The following ARHGEF3 variants were observed in gnomAD, a reference collection of about 807,000 sequenced individuals.
ARHGEF3 encodes Rho guanine nucleotide exchange factor 3.
A neutral mutation model predicts 63.2 loss-of-function variants in ARHGEF3; 28 were observed. The ratio of observed to expected loss-of-function variants is 0.44; its 90% CI spans 0.33 to 0.61. The LOEUF is 0.61. ARHGEF3 is among the 20% of genes least tolerant of loss of function. The pLI, the probability that ARHGEF3 is intolerant of heterozygous loss-of-function variation, is 0.03. For synonymous variants in ARHGEF3, 266 were observed against 254.2 expected (o/e 1.05, Z -0.44); for missense variants, 533 against 659.3 (o/e 0.81, Z 2.10).
intron 2 of ARHGEF3, among the ~76,000 whole-genome samples, chr3:56,961,193 T>C (rs576758334): frequency 1.3e-5 from 2 of 152,336 alleles, no homozygotes; most frequent in South Asian, 4.1e-4. Context: ...CAGTGTTATA[T>C]AACATTTTAT....
Position 57,052,028 on chromosome 3 carries a change from C to T in ARHGEF3, c.-27-16852G>A, listed in dbSNP as rs566809729. Among the ~76,000 whole-genome samples, 33 of 152,190 alleles carry T rather than the reference C, an allele frequency of 2.2e-4. 1 individual carries two copies. Among genetic ancestry groups the T allele is most frequent in the Middle Eastern group, 6.8e-3 (2 of 294 alleles). On this transcript the variant is annotated intron_variant, in intron 1 of 12. Transcript: ENST00000338458. ...CCATCTACTGAGTATCAACTGTATG[C>T]TAGGCACTCTTCTAAGTGCTTTATG...
intron 4 of ARHGEF3, among the ~76,000 whole-genome samples, chr3:56,835,700 G>A (rs1169350284): frequency 6.6e-6 from 1 of 152,046 alleles, no homozygotes; most frequent in African/African-American, 2.4e-5. Flanking sequence ...TTAGCAGAAA[G>A]ACTTAAAATG....
At chr3:56,739,031 G>A (rs568751842) in intron 7 of ARHGEF3, among the ~76,000 whole-genome samples, 24 of 152,082 alleles carry the variant, frequency 1.6e-4, no homozygotes, top group Admixed American at 3.9e-4. Flanking sequence ...GGAGGCAGAG[G>A]TTGCAGTGAG....
intron 3 of ARHGEF3, among the ~76,000 whole-genome samples, chr3:56,943,905 C>T (rs1376048393): frequency 4.9e-5 from 7 of 144,074 alleles, no homozygotes; most frequent in Non-Finnish European, 9.2e-5. Flanking sequence ...CAGAGAGAGA[C>T]TCCGACTCAA....
rs1484341209 is a variant in ARHGEF3 at position 56,727,673 on chromosome 3, G to C, written c.*1597C>G. On this transcript the variant is annotated 3_prime_UTR_variant, in exon 10 of 10. Transcript: ENST00000296315. ...GCTTCTGTCTGCAGCAGGTTCACTT[G>C]CTGTATCAATAACGACTTGAGAAAG... 1.3e-5 allele frequency: 2 copies of C among 152,520 alleles called. No individual in the cohort carries two copies. The highest frequency in any genetic ancestry group is 2.4e-5 in the African/African-American group (1 of 41,424). The allele number at this position is 152,520 out of a possible 1,614,324, so 9.4% of individuals were successfully genotyped here.
intron 1 of ARHGEF3, among the ~76,000 whole-genome samples, chr3:56,795,556 G>A (rs1403301988): frequency 2.6e-5 from 4 of 151,934 alleles, no homozygotes; most frequent in Admixed American, 1.3e-4. Context: ...CAGAAAGTCC[G>A]GGCACAAGTG....
At chr3:57,007,073 A>G (rs1008780062) in intron 2 of ARHGEF3, 2 of 996,548 alleles carry the variant, frequency 2.0e-6, no homozygotes, top group African/African-American at 3.4e-5. Flanking sequence ...GGTGCTGACT[A>G]TTAAGGTGTG....
In ARHGEF3 at chr3:56,745,333, G is replaced by A. The variant is rs950370717; in HGVS notation, c.742C>T (p.Arg248Cys). 5.6e-6 allele frequency: 9 copies of A among 1,613,980 alleles called. No individual in the cohort carries two copies. The highest frequency in any genetic ancestry group is 4.2e-6 in the Non-Finnish European group (5 of 1,180,020). The stretch of plus-strand genomic sequence containing the variant: ...AGGAAATTCCAGAGATCTAGTTTGC[G>A]GCTAAAGGGGGATTCTAAACATCGC... ...LQRCLESPFS[R>C]KLDLWNFLDI... Residue 248 changes from arginine (R) to cysteine (C), a missense_variant, in exon 7 of 10, where the codon CGC becomes TGC. Coordinates refer to ENST00000296315, the MANE Select transcript of ARHGEF3 (RefSeq NM_019555.3).
intron 4 of ARHGEF3, among the ~76,000 whole-genome samples, chr3:56,825,172 A>G (rs914243761): frequency 5.3e-5 from 8 of 152,256 alleles, no homozygotes; most frequent in African/African-American, 1.4e-4. Flanking sequence ...TGAAAACTGC[A>G]TGAGATGATG....
At chr3:56,800,586 G>A (rs1369972121) in intron 1 of ARHGEF3, among the ~76,000 whole-genome samples, 1 of 152,128 alleles carries the variant, frequency 6.6e-6, no homozygotes, top group East Asian at 1.9e-4. Context: ...TTGATGGTGT[G>A]CTCCCGAATA....
At chr3:56,738,633 G>C (rs1407834177) in intron 7 of ARHGEF3, among the ~76,000 whole-genome samples, 2 of 152,168 alleles carry the variant, frequency 1.3e-5, no homozygotes, top group Admixed American at 1.3e-4. Flanking sequence ...AGAAGATTCC[G>C]AAGTGGTGGT....
chr3:56,775,255 C>T (rs555044876), intron 1 of ARHGEF3: 22 of 1,290,080 alleles, frequency 1.7e-5, no homozygotes, highest in Admixed American at 1.2e-4. Flanking sequence ...AAAAATCTTT[C>T]GTGAATTTGG....
chr3:56,795,075 G>C (rs1458120362), intron 1 of ARHGEF3, among the ~76,000 whole-genome samples: 2 of 150,840 alleles, frequency 1.3e-5, no homozygotes, highest in East Asian at 3.9e-4. Context: ...GTGTTGCCCA[G>C]AATGGTCTCA....
intron 2 of ARHGEF3, among the ~76,000 whole-genome samples, chr3:56,981,243 T>C (rs189009358): frequency 6.6e-6 from 1 of 152,350 alleles, no homozygotes; most frequent in African/African-American, 2.4e-5. Context: ...CTACAGCTGT[T>C]GGTAGTCATG....
At chr3:57,008,611 G>A (rs1363760306) in intron 2 of ARHGEF3, among the ~76,000 whole-genome samples, 1 of 152,092 alleles carries the variant, frequency 6.6e-6, no homozygotes, top group Non-Finnish European at 1.5e-5. Context: ...CAAGTAGCTG[G>A]GATTATAGGC....
intron 2 of ARHGEF3, among the ~76,000 whole-genome samples, chr3:56,974,687 T>C (rs75457415): frequency 0.035 from 5,302 of 151,672 alleles, 173 homozygotes; most frequent in African/African-American, 0.081. Context: ...CCCACATCCA[T>C]CTGAATCATC....
chr3:56,971,356 C>A (rs907632114), intron 2 of ARHGEF3, among the ~76,000 whole-genome samples: 3 of 152,068 alleles, frequency 2.0e-5, no homozygotes, highest in Non-Finnish European at 4.4e-5. Flanking sequence ...TCTCCTTTTC[C>A]CCAGGCGTCT....
chr3:56,973,076 G>T (rs551389534), intron 2 of ARHGEF3, among the ~76,000 whole-genome samples: 1 of 151,732 alleles, frequency 6.6e-6, no homozygotes, highest in Non-Finnish European at 1.5e-5. Context: ...GAGTGCAGTG[G>T]TGCGATTTTG....
intron 3 of ARHGEF3, among the ~76,000 whole-genome samples, chr3:56,945,090 A>T (rs1699411648): frequency 6.6e-6 from 1 of 152,162 alleles, no homozygotes; most frequent in African/African-American, 2.4e-5. Flanking sequence ...AGAGTCAATC[A>T]ATGCAGCAAA....
Sources: gnomAD v4.1 joint callset for allele counts (sites outside exome capture counted in the v4.1 genomes callset) on GRCh38, gnomAD v4.1.1 for gene constraint, MANE v1.5 for transcripts, NCBI Gene and HGNC (gene_info 2026-07-23, HGNC 2026-07-21) for gene names.